Variants in STX1A observed in about 807,000 individuals in gnomAD.
STX1A encodes the protein syntaxin-1A.
Under a neutral mutation model 37.8 loss-of-function variants are expected in STX1A, and 4 were observed. The ratio of observed to expected loss-of-function variants is 0.11; its 90% CI spans 0.05 to 0.24. The LOEUF is 0.24. Among genes scored for constraint, STX1A ranks in the 10% least tolerant of loss-of-function variants. The pLI is 1.00. For synonymous variants in STX1A, 135 were observed against 147.4 expected (o/e 0.92, Z 0.61); for missense variants, 251 against 399.9 (o/e 0.63, Z 3.18).
intron 7 of STX1A, 37 bp from the exon 8 acceptor site, chr7:73,703,019 TGC>T: frequency 7.8e-7 from 1 of 1,279,714 alleles, no homozygotes; most frequent in Non-Finnish European, 1.0e-6. Flanking sequence ...CCCAGAGGCT[TGC>T]TGAGGGGCAG....
chr7:73,700,316 CG>C lies in STX1A; in HGVS notation c.*90del, dbSNP rs1402296147. The C allele has an allele frequency of 2.3e-6, 3 of 1,293,530 alleles. No individual in the cohort carries two copies. In the African/African-American group the frequency reaches 4.4e-5, roughly 19 times the overall value. 80.1% of individuals were successfully genotyped at this position (1,293,530 alleles called of 1,614,324 possible). On this transcript the variant is annotated 3_prime_UTR_variant, in exon 10 of 10. Transcript: ENST00000222812. The surrounding 1 kb of genome is among the most constrained non-coding windows in gnomAD (Gnocchi z 4.4). ...GAGGGAGGGTGCTCTGAGCCAGAGG[CG>C]GGGGTTGGGAGGGCAGCCCAGCCAG...
Position 73,700,579 on chromosome 7 carries a change from A to G in STX1A, c.790-95T>C, listed in dbSNP as rs1584237365. The G allele has an allele frequency of 1.1e-5, 16 of 1,522,664 alleles. No individual in the cohort carries two copies. The South Asian group carries it at 1.6e-4, about 16-fold the overall frequency. 94.3% of individuals were successfully genotyped at this position (1,522,664 alleles called of 1,614,324 possible). ...GCTGAGGACTGGACAGTCGGGGGGGATCCAAGCAGGGGAAGGTGACGGCCT... is the reference window on the plus strand; with the variant it reads ...GCTGAGGACTGGACAGTCGGGGGGGGTCCAAGCAGGGGAAGGTGACGGCCT... On this transcript the variant is annotated intron_variant, in intron 9 of 9. Coordinates refer to ENST00000222812, the MANE Select transcript of STX1A (RefSeq NM_004603.4). This position sits in a 1 kb window ranked among gnomAD's most constrained non-coding sequence, Gnocchi z 4.4.
intron 7 of STX1A, 96 bp from the exon 8 acceptor site, chr7:73,703,078 C>T (rs1446002363): frequency 1.2e-5 from 12 of 966,396 alleles, no homozygotes; most frequent in East Asian, 2.7e-5. Context: ...AGAGCTGCTC[C>T]GGAAGGGGGC....
In STX1A at chr7:73,700,391, G is replaced by C; in HGVS notation, c.*16C>G. 6.2e-7 allele frequency: 1 copy of C among 1,613,650 alleles called. No homozygotes were observed. Among genetic ancestry groups the C allele is most frequent in the Admixed American group, 1.7e-5 (1 of 60,004 alleles). ...GGAGTGGCCCACCTGGAGTGGAGTG[G>C]CAGTTTGGGTGGCTTCTAGGCGAAG... On this transcript the variant is annotated 3_prime_UTR_variant, in exon 10 of 10. Coordinates refer to ENST00000222812, the MANE Select transcript of STX1A (RefSeq NM_004603.4). The surrounding 1 kb of genome is among the most constrained non-coding windows in gnomAD (Gnocchi z 4.4).
chr7:73,702,751 G>C lies in STX1A; in HGVS notation c.678+94C>G. On this transcript the variant is annotated intron_variant, in intron 8 of 9. Transcript: ENST00000222812. The surrounding 1 kb of genome is among the most constrained non-coding windows in gnomAD (Gnocchi z 4.7). ...TTACCTGAGAACTTGGTCCCTCCCCGGCAGGGCAGCGTGTCGGGCAGAAAG... is the reference window on the plus strand; with the variant it reads ...TTACCTGAGAACTTGGTCCCTCCCCCGCAGGGCAGCGTGTCGGGCAGAAAG... The C allele has an allele frequency of 6.3e-7, 1 of 1,596,074 alleles. No homozygotes were observed.
chr7:73,713,037 A>C (rs1214683916), intron 1 of STX1A, among the ~76,000 whole-genome samples: 19 of 152,210 alleles, frequency 1.2e-4, no homozygotes, highest in Non-Finnish European at 2.5e-4. Flanking sequence ...TGTCAAGAAA[A>C]GCCCCAAGCC....
chr7:73,701,531 AAAG>A (rs1798654764), intron 8 of STX1A, among the ~76,000 whole-genome samples: 2 of 150,130 alleles, frequency 1.3e-5, no homozygotes, highest in African/African-American at 5.0e-5. Context: ...AAAAAAAGAA[AAAG>A]AAAAAAAAAA....
Position 73,705,331 on chromosome 7 carries a change from C to T in STX1A, c.209-107G>A. 1 of 863,872 alleles carries T rather than the reference C, an allele frequency of 1.2e-6. No individual in the cohort carries two copies. Among genetic ancestry groups the T allele is most frequent in the Non-Finnish European group, 1.9e-6 (1 of 522,578 alleles). The allele number at this position is 863,872 out of a possible 1,614,324, so 53.5% of individuals were successfully genotyped here. ...CCCAGTGGGAGGCTCTGGGAAGATC[C>T]CTGTTCTCCCCTGTTCCCCTGGCTA... On this transcript the variant is annotated intron_variant, in intron 3 of 9. Transcript: ENST00000222812. The surrounding 1 kb of genome is among the most constrained non-coding windows in gnomAD (Gnocchi z 5.2).
intron 6 of STX1A, 59 bp downstream of exon 6, chr7:73,704,089 G>T: frequency 6.6e-7 from 1 of 1,515,018 alleles, no homozygotes; most frequent in South Asian, 1.2e-5. Context: ...CTCAGCAGCA[G>T]ACTCGGGCCC....
Position 73,712,402 on chromosome 7 carries a change from G to A in STX1A, c.31-3280C>T, listed in dbSNP as rs1799135797. On this transcript the variant is annotated intron_variant, in intron 1 of 9. Coordinates refer to ENST00000222812, the MANE Select transcript of STX1A (RefSeq NM_004603.4). ...TTCCCCCAGGCACATCCCTTTGCCC[G>A]GGATGCTGATTCCATGAAGGTGACA... 2.3e-5 allele frequency among the ~76,000 whole-genome samples: 3 copies of A among 129,326 alleles called. No homozygotes were observed. The Admixed American group carries it at 2.9e-4, about 12-fold the overall frequency. 84.8% of individuals were successfully genotyped at this position (129,326 alleles called of 152,430 possible). A position where few individuals can be genotyped will look rare whatever the true frequency, so the allele number is the denominator to read the frequency against.
rs1252661472 is a variant in STX1A, at chr7:73,706,259, A to AG, written c.209-1036dup. Among the ~76,000 whole-genome samples the AG allele has an allele frequency of 1.3e-5, 2 of 152,054 alleles. No individual in the cohort carries two copies. Among genetic ancestry groups the AG allele is most frequent in the South Asian group, 2.1e-4 (1 of 4,820 alleles). On this transcript the variant is annotated intron_variant, in intron 3 of 9. Transcript: ENST00000222812. This position sits in a 1 kb window ranked among gnomAD's most constrained non-coding sequence, Gnocchi z 4.6. The stretch of plus-strand genomic sequence containing the variant: ...GGAATGCAGTGAGGTGGAGCGGGGA[A>AG]GGGGGGGTTCCGAGGCGCGGAGGAG...
rs1214910653 is a variant in STX1A at position 73,702,085 on chromosome 7, C to T, written c.678+760G>A. Among the ~76,000 whole-genome samples, 2 of 152,168 alleles carry T rather than the reference C, an allele frequency of 1.3e-5. No homozygotes were observed. The highest frequency in any genetic ancestry group is 2.9e-5 in the Non-Finnish European group (2 of 68,034). On this transcript the variant is annotated intron_variant, in intron 8 of 9. Transcript: ENST00000222812. This position sits in a 1 kb window ranked among gnomAD's most constrained non-coding sequence, Gnocchi z 4.7. ...GCAGCAAGGACCTCCTTTTTCTGTT[C>T]CTGAAATAAGTCTGGGTCTTGCTGG... is the stretch of plus-strand genomic sequence containing the variant.
chr7:73,708,673 C>T lies in STX1A; in HGVS notation c.124G>A (p.Gly42Ser), dbSNP rs1343838866. The T allele has an allele frequency of 6.2e-7, 1 of 1,613,928 alleles. No individual in the cohort carries two copies. ...EFFEQVEEIR[G>S]FIDKIAENVE... ...TTCTCTGCGATCTTGTCAATGAAGCCTCGAATCTCCTCCACCTGCGGACCA... is the reference window on the plus strand; with the variant it reads ...TTCTCTGCGATCTTGTCAATGAAGCTTCGAATCTCCTCCACCTGCGGACCA... Residue 42 changes from glycine to serine, a missense_variant, in exon 3 of 10, where the codon GGC (glycine) becomes AGC (serine). Transcript: ENST00000222812.
chr7:73,714,587 T>C (rs782531524), intron 1 of STX1A, among the ~76,000 whole-genome samples: 15 of 150,548 alleles, frequency 1.0e-4, no homozygotes, highest in Non-Finnish European at 8.9e-5. Context: ...TGTGTAGAGA[T>C]GGTGGTCTCA....
At position 73,704,471 on chromosome 7, in the gene STX1A, C is replaced by T. The variant is rs74921525; in HGVS notation, c.284-48G>A. 200 of 1,608,828 alleles carry T rather than the reference C, an allele frequency of 1.2e-4. No homozygotes were observed. The African/African-American group carries it at 2.5e-3, about 20-fold the overall frequency. ...AGTCATAACCAGGCCCCTTCAACCCCGTCCCCTACCCGCACACCCAGCATC... is the reference window on the plus strand; with the variant it reads ...AGTCATAACCAGGCCCCTTCAACCCTGTCCCCTACCCGCACACCCAGCATC... On this transcript the variant is annotated intron_variant, in intron 4 of 9. Coordinates refer to ENST00000222812, the MANE Select transcript of STX1A (RefSeq NM_004603.4).
At chr7:73,701,555 C>T (rs1798656696) in intron 8 of STX1A, among the ~76,000 whole-genome samples, 2 of 151,956 alleles carry the variant, frequency 1.3e-5, no homozygotes, top group Non-Finnish European at 2.9e-5. Flanking sequence ...AAATAGAACC[C>T]CCTGCCCAGC....
rs1347884166 is a variant in STX1A at position 73,706,347 on chromosome 7, T to C, written c.209-1123A>G. On this transcript the variant is annotated intron_variant, in intron 3 of 9. Coordinates refer to ENST00000222812, the MANE Select transcript of STX1A (RefSeq NM_004603.4). The surrounding 1 kb of genome is among the most constrained non-coding windows in gnomAD (Gnocchi z 4.6). ...CCAGCTGCTCTGACGTCTCAGCCTC[T>C]TTTGCTCAGACCCAAAATAGCCCAG... 6.6e-6 allele frequency among the ~76,000 whole-genome samples: 1 copy of C among 152,140 alleles called. No individual in the cohort carries two copies. Among genetic ancestry groups the C allele is most frequent in the Non-Finnish European group, 1.5e-5 (1 of 68,010 alleles).
rs1183306393 is a variant in STX1A at position 73,709,338 on chromosome 7, A to G, written c.31-216T>C. The stretch of plus-strand genomic sequence containing the variant: ...CACAGAGAGAGGAACCTTGCCTGAT[A>G]CACTGGTGTCAAGGCCAAGTCTCAG... On this transcript the variant is annotated intron_variant, in intron 1 of 9. Coordinates refer to ENST00000222812, the MANE Select transcript of STX1A (RefSeq NM_004603.4). The surrounding 1 kb of genome is among the most constrained non-coding windows in gnomAD (Gnocchi z 4.2). 2.0e-5 allele frequency among the ~76,000 whole-genome samples: 3 copies of G among 152,064 alleles called. No homozygotes were observed. The highest frequency in any genetic ancestry group is 4.4e-5 in the Non-Finnish European group (3 of 67,974).
At chr7:73,708,954 G>A in intron 2 of STX1A, 91 bp downstream of exon 2, 1 of 1,381,362 alleles carries the variant, frequency 7.2e-7, no homozygotes, top group South Asian at 1.2e-5. Flanking sequence ...CCAGGTGCAG[G>A]TGTGAAAGAG....
Sources: gnomAD v4.1 joint callset for allele counts (sites outside exome capture counted in the v4.1 genomes callset) on GRCh38, gnomAD v4.1.1 for gene constraint, Gnocchi (gnomAD v3.1) non-coding constraint, MANE v1.5 for transcripts, NCBI Gene and HGNC (gene_info 2026-07-23, HGNC 2026-07-21) for gene names.